EXOC6B: variants seen among roughly 807,000 people sequenced by gnomAD.
The protein encoded by EXOC6B is exocyst complex component 6B.
In EXOC6B, 54 loss-of-function variants were observed where a neutral mutation model predicts 113.5. The ratio of observed to expected loss-of-function variants is 0.48; its 90% CI spans 0.38 to 0.60. The LOEUF (loss-of-function observed/expected upper bound fraction) is 0.60, where lower values mean the gene tolerates loss of function less well. Among genes scored for constraint, EXOC6B ranks in the 20% least tolerant of loss-of-function variants. The pLI, the probability that EXOC6B is intolerant of heterozygous loss-of-function variation, is 0.00. For synonymous variants in EXOC6B, 357 were observed against 339.0 expected (o/e 1.05, Z -0.58); for missense variants, 797 against 977.5 (o/e 0.82, Z 2.46).
intron 19 of EXOC6B, among the ~76,000 whole-genome samples, chr2:72,337,852 G>C (rs1688779595): frequency 6.6e-6 from 1 of 152,040 alleles, no homozygotes; most frequent in African/African-American, 2.4e-5. Context: ...TAGGGATAAA[G>C]ACCATTTCAC....
At chr2:72,819,186 T>C (rs1686446943) in intron 1 of EXOC6B, among the ~76,000 whole-genome samples, 1 of 152,062 alleles carries the variant, frequency 6.6e-6, no homozygotes, top group Admixed American at 6.5e-5. Context: ...GTATATAACA[T>C]GTTAACTGAA....
intron 6 of EXOC6B, among the ~76,000 whole-genome samples, chr2:72,698,382 G>T (rs576114139): frequency 6.6e-6 from 1 of 152,088 alleles, no homozygotes; most frequent in East Asian, 1.9e-4. Flanking sequence ...TAAGGTTATC[G>T]ATAAAGAAAA....
chr2:72,224,275 G>A (rs1014316796), intron 20 of EXOC6B, among the ~76,000 whole-genome samples: 15 of 152,014 alleles, frequency 9.9e-5, no homozygotes, highest in Non-Finnish European at 1.9e-4. Context: ...CTCCTCCACT[G>A]CAAATAGCAC....
rs188798532 is a variant in EXOC6B at position 72,178,986 on chromosome 2, G to A, written c.*349C>T. On this transcript the variant is annotated 3_prime_UTR_variant, in exon 22 of 22. Transcript: ENST00000272427. The stretch of plus-strand genomic sequence containing the variant: ...TTGCTTACTCACTCTACCTCCCAGC[G>A]CCAGATACCCACTTTTTATGGTTCC... 102 of 206,118 alleles carry A rather than the reference G, an allele frequency of 4.9e-4. 1 individual carries two copies. The highest frequency in any genetic ancestry group is 1.4e-4 in the Non-Finnish European group (14 of 103,124). The allele number at this position is 206,118 out of a possible 1,614,324, so 12.8% of individuals were successfully genotyped here. A position where few individuals can be genotyped will look rare whatever the true frequency, so the allele number is the denominator to read the frequency against.
chr2:72,776,491 C>A (rs779316597), intron 1 of EXOC6B, among the ~76,000 whole-genome samples: 3 of 152,012 alleles, frequency 2.0e-5, no homozygotes, highest in Non-Finnish European at 4.4e-5. Context: ...GGGGCACACA[C>A]CTGTAGTCCC....
intron 20 of EXOC6B, among the ~76,000 whole-genome samples, chr2:72,306,202 A>G (rs1298487094): frequency 6.6e-6 from 1 of 152,270 alleles, no homozygotes; most frequent in African/African-American, 2.4e-5. Context: ...GGTAAATAAT[A>G]GATCAGAATT....
At chr2:72,203,574 T>C (rs1285346276) in intron 20 of EXOC6B, among the ~76,000 whole-genome samples, 1 of 152,198 alleles carries the variant, frequency 6.6e-6, no homozygotes, top group Admixed American at 6.5e-5. Context: ...AATGGTCCTA[T>C]ATTGGCTACA....
intron 20 of EXOC6B, among the ~76,000 whole-genome samples, chr2:72,275,706 G>A (rs1034664278): frequency 1.3e-5 from 2 of 152,254 alleles, no homozygotes; most frequent in Admixed American, 1.3e-4. Context: ...AGGTCTCTGG[G>A]TATTCAATAA....
At chr2:72,456,372 G>C (rs996522616) in intron 18 of EXOC6B, among the ~76,000 whole-genome samples, 3 of 152,034 alleles carry the variant, frequency 2.0e-5, no homozygotes, top group African/African-American at 7.2e-5. Context: ...GATTGTCAAT[G>C]CCCAGGCAGG....
intron 20 of EXOC6B, among the ~76,000 whole-genome samples, chr2:72,217,648 C>T (rs981872612): frequency 1.3e-5 from 2 of 152,094 alleles, no homozygotes; most frequent in African/African-American, 4.8e-5. Flanking sequence ...CTTCAGAGGG[C>T]CAGACACAAG....
At chr2:72,484,979 AC>A (rs750371727) in intron 16 of EXOC6B, among the ~76,000 whole-genome samples, 3 of 152,180 alleles carry the variant, frequency 2.0e-5, no homozygotes, top group Non-Finnish European at 4.4e-5. Context: ...TTGGGTATAT[AC>A]CCAGTAATGG....
At chr2:72,224,826 G>A (rs376851475) in intron 20 of EXOC6B, among the ~76,000 whole-genome samples, 5,753 of 150,584 alleles carry the variant, frequency 0.038, 133 homozygotes, top group Non-Finnish European at 0.052. Context: ...GTGTGCGTGT[G>A]TGTATGTGTG....
chr2:72,294,870 T>A (rs549411998), intron 20 of EXOC6B, among the ~76,000 whole-genome samples: 1 of 152,210 alleles, frequency 6.6e-6, no homozygotes, highest in Non-Finnish European at 1.5e-5. Context: ...TTGTTCCTTA[T>A]TTTTAAGTAT....
intron 6 of EXOC6B, among the ~76,000 whole-genome samples, chr2:72,711,071 G>A (rs1167443329): frequency 6.6e-6 from 1 of 152,050 alleles, no homozygotes; most frequent in Non-Finnish European, 1.5e-5. Flanking sequence ...ATCAAAATAA[G>A]AAATACAGAT....
At chr2:72,793,729 A>G (rs765324254) in intron 1 of EXOC6B, among the ~76,000 whole-genome samples, 3 of 152,208 alleles carry the variant, frequency 2.0e-5, no homozygotes, top group Non-Finnish European at 4.4e-5. Context: ...GGGTAGAGTT[A>G]CAGGAAAAAC....
chr2:72,202,496 T>C (rs1679550607), intron 20 of EXOC6B, among the ~76,000 whole-genome samples: 1 of 152,166 alleles, frequency 6.6e-6, no homozygotes, highest in East Asian at 1.9e-4. Context: ...GACAGACAGG[T>C]ATTCTCCAGA....
At chr2:72,659,416 G>T (rs1458431719) in intron 6 of EXOC6B, among the ~76,000 whole-genome samples, 5 of 152,026 alleles carry the variant, frequency 3.3e-5, no homozygotes, top group Admixed American at 2.6e-4. Context: ...ACTTTACACT[G>T]AACTCCTACA....
In EXOC6B at chr2:72,179,360, C is replaced by G; in HGVS notation, c.2411G>C (p.Gly804Ala). 1 of 1,611,856 alleles carries G rather than the reference C, an allele frequency of 6.2e-7. No homozygotes were observed. The highest frequency in any genetic ancestry group is 8.5e-7 in the Non-Finnish European group (1 of 1,179,020). The change falls in exon 22 of 22, where the codon GGA becomes GCA. Residue 804 changes from glycine to alanine, a missense_variant. Gly to Ala is a moderately conservative substitution (Grantham distance 60). Transcript: ENST00000272427. ...LIDTVAKQLR[G>A]LISSHHS ...TCATGAGTGGTGGCTGCTGATGAGT[C>G]CTCGGAGCTGCTTGGCCACGGTGTC... is the stretch of plus-strand genomic sequence containing the variant.
chr2:72,514,909 A>G lies in EXOC6B; in HGVS notation c.999+134T>C, dbSNP rs1040932757. 236 of 821,952 alleles carry G rather than the reference A, an allele frequency of 2.9e-4. 2 individuals are homozygous for G. Among genetic ancestry groups the G allele is most frequent in the Non-Finnish European group, 2.1e-4 (109 of 509,672 alleles). The allele number at this position is 821,952 out of a possible 1,614,324, so 50.9% of individuals were successfully genotyped here. On this transcript the variant is annotated intron_variant, in intron 9 of 21. Coordinates refer to ENST00000272427, the MANE Select transcript of EXOC6B (RefSeq NM_015189.3). ...TAAATGTTTTCTTACTGCAAGTCAC[A>G]TCCACCAAAAGTGGTCTCAGAATGA...
Sources: gnomAD v4.1 joint callset for allele counts (sites outside exome capture counted in the v4.1 genomes callset) on GRCh38, gnomAD v4.1.1 for gene constraint, MANE v1.5 for transcripts, NCBI Gene and HGNC (gene_info 2026-07-23, HGNC 2026-07-21) for gene names.